The following GRIK1 variants were observed in gnomAD, a reference collection of about 807,000 sequenced individuals.
The protein encoded by GRIK1 is glutamate receptor ionotropic, kainate 1.
Under a neutral mutation model 105.7 loss-of-function variants are expected in GRIK1, and 69 were observed. The ratio of observed to expected loss-of-function variants is 0.65; its 90% CI spans 0.54 to 0.80. GRIK1 has a LOEUF of 0.80. GRIK1 is among the 30% of genes least tolerant of loss of function. GRIK1 has a pLI of 0.00. For synonymous variants in GRIK1, 438 were observed against 431.3 expected (o/e 1.02, Z -0.19); for missense variants, 1,109 against 1,167.3 (o/e 0.95, Z 0.73).
At chr21:29,799,344 A>T (rs1038644209) in intron 1 of GRIK1, among the ~76,000 whole-genome samples, 2 of 152,202 alleles carry the variant, frequency 1.3e-5, no homozygotes, top group African/African-American at 2.4e-5. Context: ...GGAATGTCTC[A>T]CTTAAGGTAG....
At chr21:29,728,640 C>T (rs1371967706) in intron 1 of GRIK1, among the ~76,000 whole-genome samples, 1 of 152,164 alleles carries the variant, frequency 6.6e-6, no homozygotes, top group Non-Finnish European at 1.5e-5. Context: ...TTAGATTATA[C>T]ATTTCTTCAG....
chr21:29,668,550 C>A (rs1222822838), intron 4 of GRIK1, among the ~76,000 whole-genome samples: 1 of 152,080 alleles, frequency 6.6e-6, no homozygotes, highest in Non-Finnish European at 1.5e-5. Context: ...GGTCATGCGG[C>A]CTTGGTGTTT....
chr21:29,671,005 G>A (rs554857052), intron 4 of GRIK1, among the ~76,000 whole-genome samples: 1 of 152,338 alleles, frequency 6.6e-6, no homozygotes, highest in Non-Finnish European at 1.5e-5. Flanking sequence ...GGTGGAGAAA[G>A]CACTGGATGT....
At chr21:29,792,325 A>G (rs557809012) in intron 1 of GRIK1, among the ~76,000 whole-genome samples, 2 of 152,208 alleles carry the variant, frequency 1.3e-5, no homozygotes, top group Non-Finnish European at 2.9e-5. Context: ...TATGACACAG[A>G]TGGAATTATG....
At chr21:29,629,268 C>G (rs1011852865) in intron 7 of GRIK1, among the ~76,000 whole-genome samples, 3 of 149,042 alleles carry the variant, frequency 2.0e-5, no homozygotes, top group African/African-American at 7.5e-5. Context: ...AATGTGATGC[C>G]TGAGCTGAGC....
At chr21:29,933,037 G>A (rs1433045592) in intron 1 of GRIK1, among the ~76,000 whole-genome samples, 1 of 151,652 alleles carries the variant, frequency 6.6e-6, no homozygotes, top group Non-Finnish European at 1.5e-5. Flanking sequence ...AAATAAAAGA[G>A]GGCAATAAGT....
chr21:29,538,325 A>T (rs966497603), intron 16 of GRIK1, among the ~76,000 whole-genome samples: 1 of 152,176 alleles, frequency 6.6e-6, no homozygotes, highest in Non-Finnish European at 1.5e-5. Flanking sequence ...ACAGGAGGAC[A>T]AAGGCAGCAT....
intron 1 of GRIK1, among the ~76,000 whole-genome samples, chr21:29,862,963 A>G (rs1031186852): frequency 3.9e-5 from 6 of 152,228 alleles, no homozygotes; most frequent in Non-Finnish European, 7.3e-5. Flanking sequence ...ACTGATGGAC[A>G]ACTGTATAAA....
intron 1 of GRIK1, among the ~76,000 whole-genome samples, chr21:29,886,772 C>T (rs758519141): frequency 5.3e-5 from 8 of 152,090 alleles, no homozygotes; most frequent in Non-Finnish European, 8.8e-5. Flanking sequence ...AGCCAAATAT[C>T]GGAGTGCATC....
intron 1 of GRIK1, among the ~76,000 whole-genome samples, chr21:29,931,521 C>T (rs1267505011): frequency 6.6e-6 from 1 of 152,176 alleles, no homozygotes; most frequent in Non-Finnish European, 1.5e-5. Context: ...TCCCCTGGCT[C>T]TTCTGCTGAG....
chr21:29,761,466 A>G (rs1363163658), intron 1 of GRIK1: 6 of 152,234 alleles, frequency 3.9e-5, no homozygotes, highest in African/African-American at 1.2e-4. Flanking sequence ...AATCTAATTA[A>G]TATGTTGAAG....
intron 1 of GRIK1, among the ~76,000 whole-genome samples, chr21:29,767,863 CATGTGTGTGTGTGT>C (rs1323274700): frequency 1.1e-5 from 1 of 91,572 alleles, no homozygotes. Context: ...AGCTGAAATT[CATGTGTGTGTGTGT>C]GTGTGTGTGT....
chr21:29,663,383 C>T (rs748265886), intron 4 of GRIK1, among the ~76,000 whole-genome samples: 4 of 152,132 alleles, frequency 2.6e-5, no homozygotes, highest in African/African-American at 4.8e-5. Context: ...CGTGAGGGAG[C>T]CTCCTGTATA....
chr21:29,908,139 G>T (rs2070706653), intron 1 of GRIK1, among the ~76,000 whole-genome samples: 1 of 151,798 alleles, frequency 6.6e-6, no homozygotes, highest in Non-Finnish European at 1.5e-5. Context: ...TTTAACATTT[G>T]TTATCCAATT....
chr21:29,806,365 T>C (rs912468580), intron 1 of GRIK1, among the ~76,000 whole-genome samples: 1 of 152,094 alleles, frequency 6.6e-6, no homozygotes, highest in Non-Finnish European at 1.5e-5. Flanking sequence ...GCTTTTTTTT[T>C]TCTCTCAATA....
At chr21:29,656,227 T>G (rs1024910406) in intron 4 of GRIK1, among the ~76,000 whole-genome samples, 2 of 150,564 alleles carry the variant, frequency 1.3e-5, no homozygotes, top group Admixed American at 1.3e-4. Flanking sequence ...CCAGGCGTGG[T>G]GGCGGGTGCC....
intron 1 of GRIK1, among the ~76,000 whole-genome samples, chr21:29,866,062 T>C: frequency 6.6e-6 from 1 of 151,504 alleles, no homozygotes; most frequent in South Asian, 2.1e-4. Flanking sequence ...ACCAAAAGAG[T>C]TTTTACTTTT....
intron 15 of GRIK1, among the ~76,000 whole-genome samples, chr21:29,556,781 G>T (rs2090267657): frequency 3.3e-5 from 5 of 152,190 alleles, no homozygotes; most frequent in African/African-American, 1.2e-4. Flanking sequence ...AAGGAACTTT[G>T]AATAGAAGGA....
intron 1 of GRIK1, among the ~76,000 whole-genome samples, chr21:29,933,018 A>G (rs1044414103): frequency 3.9e-5 from 6 of 152,098 alleles, no homozygotes; most frequent in African/African-American, 1.4e-4. Flanking sequence ...GGTTTTAAGA[A>G]TATTTTCTAA....
Sources: allele counts gnomAD v4.1 joint callset (sites outside exome capture counted in the v4.1 genomes callset), GRCh38; gene constraint gnomAD v4.1.1; transcripts MANE v1.5; gene names NCBI Gene and HGNC (gene_info 2026-07-23, HGNC 2026-07-21).